Variants in ITGA8 observed in about 807,000 individuals in gnomAD.
The protein encoded by ITGA8 is integrin alpha-8.
A neutral mutation model predicts 142.3 loss-of-function variants in ITGA8; 91 were observed. The observed-to-expected ratio is 0.64, with a 90% CI of 0.54 to 0.76. ITGA8 has a LOEUF of 0.76. Among genes scored for constraint, ITGA8 ranks in the 30% least tolerant of loss-of-function variants. ITGA8 has a pLI of 0.00. For synonymous variants in ITGA8, 505 were observed against 485.2 expected, an observed-to-expected ratio of 1.04 and a Z score of -0.54; for missense variants, 1,406 against 1,327.7, an observed-to-expected ratio of 1.06 and a Z score of -0.92.
At chr10:15,653,767 C>T (rs10904608) in intron 11 of ITGA8, among the ~76,000 whole-genome samples, 88,575 of 151,696 alleles carry the variant, frequency 0.58, 26,851 homozygotes, top group South Asian at 0.76. Flanking sequence ...ATCTTTCAGA[C>T]TGGCATCTTT....
chr10:15,666,958 A>G (rs1390959160), intron 8 of ITGA8, among the ~76,000 whole-genome samples: 12 of 152,182 alleles, frequency 7.9e-5, no homozygotes, highest in Non-Finnish European at 1.3e-4. Context: ...ATGTTCATCA[A>G]GGATATTGGT....
At chr10:15,673,582 C>T (rs1259994855) in intron 6 of ITGA8, among the ~76,000 whole-genome samples, 2 of 152,142 alleles carry the variant, frequency 1.3e-5, no homozygotes, top group African/African-American at 4.8e-5. Context: ...ATTTTGTGCT[C>T]TTGCAAAGCA....
At chr10:15,637,881 T>C (rs1833801575) in intron 13 of ITGA8, among the ~76,000 whole-genome samples, 1 of 152,086 alleles carries the variant, frequency 6.6e-6, no homozygotes, top group Non-Finnish European at 1.5e-5. Flanking sequence ...CTATAAACTC[T>C]GTGTACATAC....
chr10:15,645,880 A>C (rs968656538), intron 12 of ITGA8, among the ~76,000 whole-genome samples: 3 of 152,166 alleles, frequency 2.0e-5, no homozygotes, highest in African/African-American at 7.2e-5. Context: ...CATAAATTCT[A>C]ACCTAAAGAA....
At chr10:15,658,321 CCTT>C (rs1485631427) in intron 10 of ITGA8, among the ~76,000 whole-genome samples, 2 of 152,108 alleles carry the variant, frequency 1.3e-5, no homozygotes, top group Non-Finnish European at 1.5e-5. Flanking sequence ...TACATCAAAA[CCTT>C]CAGGCCTTTA....
chr10:15,586,211 A>C (rs12415120), intron 23 of ITGA8, among the ~76,000 whole-genome samples: 3,447 of 151,672 alleles, frequency 0.023, 298 homozygotes, highest in Admixed American at 0.16. Flanking sequence ...GGTACCCACA[A>C]CCACGCCTGG....
At chr10:15,682,593 G>A (rs1456096789) in intron 4 of ITGA8, among the ~76,000 whole-genome samples, 1 of 152,112 alleles carries the variant, frequency 6.6e-6, no homozygotes, top group African/African-American at 2.4e-5. Context: ...GGCGGCGCAC[G>A]ACTGTAATCC....
chr10:15,528,785 A>G (rs1348512266), intron 28 of ITGA8, among the ~76,000 whole-genome samples: 1 of 152,226 alleles, frequency 6.6e-6, no homozygotes, highest in Non-Finnish European at 1.5e-5. Flanking sequence ...TAAAATCCCA[A>G]AGCCTCTGTT....
intron 28 of ITGA8, among the ~76,000 whole-genome samples, chr10:15,529,804 C>A (rs531889780): frequency 1.3e-5 from 2 of 152,130 alleles, no homozygotes; most frequent in Non-Finnish European, 2.9e-5. Flanking sequence ...ATCTACCATC[C>A]AAAGCAGTGC....
chr10:15,527,655 T>TGTG (rs1833200542), intron 28 of ITGA8, among the ~76,000 whole-genome samples: 1 of 152,166 alleles, frequency 6.6e-6, no homozygotes, highest in African/African-American at 2.4e-5. Context: ...AAACGGGAAT[T>TGTG]GTGATTCTCT....
chr10:15,528,692 G>A (rs971904853), intron 28 of ITGA8, among the ~76,000 whole-genome samples: 7 of 151,952 alleles, frequency 4.6e-5, no homozygotes, highest in African/African-American at 9.7e-5. Flanking sequence ...TAGGGAGCAC[G>A]TGCTTGGAAA....
At chr10:15,575,739 T>G (rs1170757592) in intron 23 of ITGA8, 145 bp from the exon 24 acceptor site, 1 of 629,860 alleles carries the variant, frequency 1.6e-6, no homozygotes, top group African/African-American at 1.8e-5. Flanking sequence ...ATATTGAAAG[T>G]GATGTACAGT....
At chr10:15,709,035 G>C (rs1382458504) in intron 2 of ITGA8, among the ~76,000 whole-genome samples, 2 of 152,200 alleles carry the variant, frequency 1.3e-5, no homozygotes, top group Non-Finnish European at 2.9e-5. Context: ...TAAATGTGAG[G>C]AGAAATAATG....
chr10:15,637,722 G>C (rs1833797442), intron 13 of ITGA8, among the ~76,000 whole-genome samples: 1 of 151,878 alleles, frequency 6.6e-6, no homozygotes, highest in African/African-American at 2.4e-5. Context: ...ACATTTCCTA[G>C]GTTGGTTTCA....
chr10:15,632,520 T>C (rs1420086928), intron 13 of ITGA8, among the ~76,000 whole-genome samples: 1 of 152,180 alleles, frequency 6.6e-6, no homozygotes, highest in Non-Finnish European at 1.5e-5. Flanking sequence ...TTTCTGAAAA[T>C]AGTAATTCCC....
intron 2 of ITGA8, among the ~76,000 whole-genome samples, chr10:15,707,491 C>T (rs1398407844): frequency 2.0e-5 from 3 of 152,004 alleles, no homozygotes; most frequent in Admixed American, 6.6e-5. Context: ...TGATGCTAGC[C>T]CAGGGAGACC....
chr10:15,625,010 T>C (rs1263317839), intron 13 of ITGA8, among the ~76,000 whole-genome samples: 1 of 152,178 alleles, frequency 6.6e-6, no homozygotes, highest in African/African-American at 2.4e-5. Context: ...AAGTTGCCTG[T>C]CTGCCTTGCT....
chr10:15,718,171 C>T (rs1026611040), intron 2 of ITGA8, among the ~76,000 whole-genome samples: 5 of 152,130 alleles, frequency 3.3e-5, no homozygotes, highest in African/African-American at 7.2e-5. Context: ...AATGTATTTT[C>T]CCTTTAATTA....
At chr10:15,663,229 T>A (rs374835270) in intron 8 of ITGA8, among the ~76,000 whole-genome samples, 3 of 152,222 alleles carry the variant, frequency 2.0e-5, no homozygotes, top group African/African-American at 7.2e-5. Flanking sequence ...CTGATTGCGA[T>A]GTTCCTTGAT....
Sources: gnomAD v4.1 joint callset for allele counts (sites outside exome capture counted in the v4.1 genomes callset) on GRCh38, gnomAD v4.1.1 for gene constraint, MANE v1.5 for transcripts, NCBI Gene and HGNC (gene_info 2026-07-23, HGNC 2026-07-21) for gene names.